The following ZNF385D variants were observed in gnomAD, a reference collection of about 807,000 sequenced individuals.
The protein encoded by ZNF385D is zinc finger protein 659.
A neutral mutation model predicts 35.8 loss-of-function variants in ZNF385D; 15 were observed. The ratio of observed to expected loss-of-function variants is 0.42; its 90% CI spans 0.28 to 0.64. The LOEUF is 0.64. ZNF385D is among the 30% of genes least tolerant of loss of function. ZNF385D has a pLI of 0.23. For synonymous variants in ZNF385D, 212 were observed against 186.8 expected, an observed-to-expected ratio of 1.13 and a Z score of -1.10; for missense variants, 474 against 494.6, an observed-to-expected ratio of 0.96 and a Z score of 0.39.
chr3:22,084,747 C>T (rs1284850105), intron 3 of ZNF385D, among the ~76,000 whole-genome samples: 2 of 152,224 alleles, frequency 1.3e-5, no homozygotes, highest in Admixed American at 6.5e-5. Flanking sequence ...CTACAGAACT[C>T]TCCACCCCAA....
In ZNF385D at chr3:21,413,709, G is replaced by C. The variant is rs1575108786; in HGVS notation, c.*7505C>G. 1 of 152,176 alleles carries C rather than the reference G, an allele frequency of 6.6e-6. No individual in the cohort carries two copies. The highest frequency in any genetic ancestry group is 1.9e-4 in the East Asian group (1 of 5,180). The allele number at this position is 152,176 out of a possible 1,614,324, so 9.4% of individuals were successfully genotyped here. A position where few individuals can be genotyped will look rare whatever the true frequency, so the allele number is the denominator to read the frequency against. On this transcript the variant is annotated 3_prime_UTR_variant, in exon 8 of 8. Transcript: ENST00000281523. ...TTTTGCAGGGTCACAAGCATGTAGA[G>C]CAAACCATAGTCTATTTTTAATTTC...
At chr3:21,778,640 A>T (rs2125630572) in intron 3 of ZNF385D, among the ~76,000 whole-genome samples, 1 of 152,056 alleles carries the variant, frequency 6.6e-6, no homozygotes, top group East Asian at 1.9e-4. Context: ...CACATCACAT[A>T]TCTTTATATC....
intron 3 of ZNF385D, among the ~76,000 whole-genome samples, chr3:22,046,689 G>A (rs259463): frequency 0.25 from 37,377 of 151,846 alleles, 5,297 homozygotes; most frequent in Middle Eastern, 0.36. Flanking sequence ...TCATTAATTC[G>A]CTCAAGAAAA....
At chr3:22,352,302 C>G (rs897123070) in intron 2 of ZNF385D, among the ~76,000 whole-genome samples, 3 of 152,154 alleles carry the variant, frequency 2.0e-5, no homozygotes, top group African/African-American at 7.2e-5. Flanking sequence ...TGAACATGTT[C>G]AATTACCTAC....
intron 3 of ZNF385D, among the ~76,000 whole-genome samples, chr3:22,011,877 A>G (rs1228188595): frequency 6.6e-6 from 1 of 152,136 alleles, no homozygotes; most frequent in Non-Finnish European, 1.5e-5. Flanking sequence ...ACTATTCTAC[A>G]TACTGCATAT....
intron 3 of ZNF385D, among the ~76,000 whole-genome samples, chr3:22,032,684 T>C (rs1234390262): frequency 6.6e-6 from 1 of 152,094 alleles, no homozygotes; most frequent in South Asian, 2.1e-4. Context: ...AACAATTAAA[T>C]AAAAGCAGGC....
chr3:21,571,278 T>G (rs1307307592), intron 2 of ZNF385D, among the ~76,000 whole-genome samples: 1 of 152,180 alleles, frequency 6.6e-6, no homozygotes. Flanking sequence ...CAACATTGTG[T>G]TTGTATTTCG....
chr3:21,693,801 G>T (rs944829629), intron 1 of ZNF385D, among the ~76,000 whole-genome samples: 1 of 151,370 alleles, frequency 6.6e-6, no homozygotes, highest in African/African-American at 2.4e-5. Flanking sequence ...GTATCATTTA[G>T]CCAGAGAAGA....
At chr3:22,209,397 C>G (rs1697370148) in intron 2 of ZNF385D, among the ~76,000 whole-genome samples, 1 of 151,774 alleles carries the variant, frequency 6.6e-6, no homozygotes, top group African/African-American at 2.4e-5. Context: ...TCTATTAACA[C>G]TTTGAAGGCA....
chr3:22,261,015 G>A (rs935765812), intron 2 of ZNF385D, among the ~76,000 whole-genome samples: 1 of 151,898 alleles, frequency 6.6e-6, no homozygotes, highest in African/African-American at 2.4e-5. Context: ...TTACTTAAAT[G>A]GGGATAATTA....
intron 3 of ZNF385D, among the ~76,000 whole-genome samples, chr3:22,044,390 G>C (rs1218768440): frequency 6.6e-6 from 1 of 152,076 alleles, no homozygotes; most frequent in African/African-American, 2.4e-5. Context: ...GCCTAGATCT[G>C]AGCACCCTTT....
At chr3:22,214,318 A>G (rs1697716868) in intron 2 of ZNF385D, among the ~76,000 whole-genome samples, 1 of 151,974 alleles carries the variant, frequency 6.6e-6, no homozygotes, top group African/African-American at 2.4e-5. Context: ...AGGAGGATGT[A>G]TGTCGCCTCA....
chr3:21,861,095 T>A (rs533867235), intron 3 of ZNF385D, among the ~76,000 whole-genome samples: 1 of 152,076 alleles, frequency 6.6e-6, no homozygotes, highest in African/African-American at 2.4e-5. Context: ...CAAACAAAAA[T>A]ATTTTAGTCC....
At position 21,580,797 on chromosome 3, in the gene ZNF385D, CTATG is replaced by C. The variant is rs747939060; in HGVS notation, c.166-16117_166-16114del. Reference sequence around the variant, plus strand: ...TCTGAATATATATGTATGTTTGTGTCTATGTGTGTGTATATATATATATGTATAT... The same window carrying C: ...TCTGAATATATATGTATGTTTGTGTCTGTGTGTATATATATATATGTATAT... On this transcript the variant is annotated intron_variant, in intron 2 of 7. Coordinates refer to ENST00000281523, the MANE Select transcript of ZNF385D (RefSeq NM_024697.3). Among the ~76,000 whole-genome samples, 6 of 149,836 alleles carry C rather than the reference CTATG, an allele frequency of 4.0e-5. No individual in the cohort carries two copies. In the East Asian group the frequency reaches 1.2e-3, roughly 30 times the overall value.
intron 2 of ZNF385D, among the ~76,000 whole-genome samples, chr3:21,602,767 T>C (rs1467098811): frequency 3.3e-5 from 5 of 151,052 alleles, no homozygotes; most frequent in Non-Finnish European, 7.4e-5. Context: ...TCTCCTAACC[T>C]CATGATCCAC....
intron 2 of ZNF385D, among the ~76,000 whole-genome samples, chr3:22,350,277 C>G (rs1695856756): frequency 6.6e-6 from 1 of 151,958 alleles, no homozygotes; most frequent in Non-Finnish European, 1.5e-5. Context: ...ACTTCAGATT[C>G]AATAATATTT....
At chr3:21,585,779 A>G (rs2063791919) in intron 2 of ZNF385D, among the ~76,000 whole-genome samples, 1 of 152,180 alleles carries the variant, frequency 6.6e-6, no homozygotes, top group Non-Finnish European at 1.5e-5. Flanking sequence ...ATATAAATCC[A>G]CAAAGGAATA....
chr3:21,685,088 T>C, intron 1 of ZNF385D, among the ~76,000 whole-genome samples: 1 of 152,224 alleles, frequency 6.6e-6, no homozygotes, highest in South Asian at 2.1e-4. Flanking sequence ...ATATACGTTT[T>C]TAACGCTAAG....
chr3:21,838,958 C>T (rs1010880075), intron 3 of ZNF385D, among the ~76,000 whole-genome samples: 5 of 151,998 alleles, frequency 3.3e-5, no homozygotes, highest in African/African-American at 7.2e-5. Context: ...TCTGTCGATG[C>T]TTACAGCAGT....
Sources: gnomAD v4.1 joint callset for allele counts (sites outside exome capture counted in the v4.1 genomes callset) on GRCh38, gnomAD v4.1.1 for gene constraint, MANE v1.5 for transcripts, NCBI Gene and HGNC (gene_info 2026-07-23, HGNC 2026-07-21) for gene names.